CYP2E1: variants seen among roughly 807,000 people sequenced by gnomAD.
The protein encoded by CYP2E1 is cytochrome P450 family 2 subfamily E member 1.
A neutral mutation model predicts 42.9 loss-of-function variants in CYP2E1; 31 were observed. That is an observed-to-expected ratio of 0.72 (90% CI 0.54 to 0.98). CYP2E1 has a LOEUF of 0.98. Ranked by LOEUF, CYP2E1 falls within the 50% of genes least tolerant of loss-of-function variation. The probability of loss-of-function intolerance (pLI) is 0.00; values close to 1 mark genes in which losing one functional copy is unlikely to be tolerated. For synonymous variants in CYP2E1, 244 were observed against 248.9 expected (o/e 0.98, Z 0.19); for missense variants, 565 against 633.2 (o/e 0.89, Z 1.16).
chr10:133,533,826 C>T lies in CYP2E1; in HGVS notation c.896C>T (p.Ala299Val), dbSNP rs533468318. 28 of 1,614,076 alleles carry T rather than the reference C, an allele frequency of 1.7e-5. No individual in the cohort carries two copies. In the South Asian group the frequency reaches 1.9e-4, roughly 11 times the overall value. ...ITVTVADLFF[A>V]GTETTSTTLR... ...GTGACTGTGGCCGACCTGTTCTTTGCGGGGACAGAGACCACCAGCACAACT... is the reference window on the plus strand; with the variant it reads ...GTGACTGTGGCCGACCTGTTCTTTGTGGGGACAGAGACCACCAGCACAACT... The change falls in exon 6 of 9, where the codon GCG becomes GTG. Residue 299 changes from alanine (A) to valine (V), a missense_variant. Transcript: ENST00000252945.
intron 4 of CYP2E1, 56 bp downstream of exon 4, chr10:133,532,340 A>G: frequency 6.4e-7 from 1 of 1,555,540 alleles, no homozygotes; most frequent in Admixed American, 1.8e-5. Context: ...CGTTAGAAAA[A>G]GAAGGAAAAT....
chr10:133,531,784 G>T, intron 3 of CYP2E1, 50 bp downstream of exon 3: 1 of 1,530,614 alleles, frequency 6.5e-7, no homozygotes, highest in Non-Finnish European at 8.8e-7. Flanking sequence ...GACCAGCGGT[G>T]TGGGGAGCCC....
rs1449208969 is a variant in CYP2E1 at position 133,533,760 on chromosome 10, A to G, written c.830A>G (p.Lys277Arg). 4 of 1,613,672 alleles carry G rather than the reference A, an allele frequency of 2.5e-6. No homozygotes were observed. The highest frequency in any genetic ancestry group is 1.7e-5 in the Admixed American group (1 of 59,950). ...DCLLVEMEKEKHSAERLYTMD... is the reference protein window; with the variant it reads ...DCLLVEMEKERHSAERLYTMD... ...GGTCTGTCTCCGGTATCACAGGAAA[A>G]GCACAGTGCAGAGCGCTTGTACACA... The change falls in exon 6 of 9, where the codon AAG becomes AGG. Residue 277 changes from lysine to arginine, a missense_variant. Coordinates refer to ENST00000252945, the MANE Select transcript of CYP2E1 (RefSeq NM_000773.4).
intron 1 of CYP2E1, among the ~76,000 whole-genome samples, chr10:133,527,913 T>C (rs905860811): frequency 6.6e-6 from 1 of 152,208 alleles, no homozygotes; most frequent in Admixed American, 6.5e-5. Context: ...AAAGCACGAG[T>C]TGAAACGTGA....
At chr10:133,528,666 C>T (rs374005068) in intron 2 of CYP2E1, 26 bp downstream of exon 2, 132 of 1,611,486 alleles carry the variant, frequency 8.2e-5, no homozygotes, top group Non-Finnish European at 1.1e-4. Context: ...TGGCACGGAG[C>T]GGGGGGTGCA....
intron 6 of CYP2E1, among the ~76,000 whole-genome samples, chr10:133,534,394 C>T (rs1851373903): frequency 6.6e-6 from 1 of 151,980 alleles, no homozygotes; most frequent in African/African-American, 2.4e-5. Context: ...GGGCTCCTCC[C>T]AGCGGCACCT....
intron 5 of CYP2E1, 76 bp downstream of exon 5, chr10:133,532,944 C>A: frequency 7.3e-7 from 1 of 1,364,816 alleles, no homozygotes; most frequent in African/African-American, 1.5e-5. Flanking sequence ...ACAGAGTGAG[C>A]TGCACTTGCT....
chr10:133,533,083 C>A (rs900523930), intron 5 of CYP2E1, among the ~76,000 whole-genome samples: 1 of 152,194 alleles, frequency 6.6e-6, no homozygotes, highest in Non-Finnish European at 1.5e-5. Context: ...GTCACATGGG[C>A]GGGACGCTTA....
chr10:133,537,421 C>G (rs183398325), intron 7 of CYP2E1, 171 bp downstream of exon 7: 2 of 670,800 alleles, frequency 3.0e-6, no homozygotes, highest in East Asian at 5.5e-5. Context: ...CAGGAGTGCT[C>G]ACATTGGCCT....
At position 133,531,780 on chromosome 10, in the gene CYP2E1, C is replaced by T. The variant is rs141280653; in HGVS notation, c.487+46C>T. 4.0e-5 allele frequency: 62 copies of T among 1,531,802 alleles called. No individual in the cohort carries two copies. In the East Asian group the frequency reaches 8.8e-4, roughly 22 times the overall value. 94.9% of individuals were successfully genotyped at this position (1,531,802 alleles called of 1,614,324 possible). ...AGGGCCCAGTCCTCTTGCAGACCAG[C>T]GGTGTGGGGAGCCCTGGCTGGGACT... On this transcript the variant is annotated intron_variant, in intron 3 of 8. Transcript: ENST00000252945.
At chr10:133,538,538 C>T (rs1316188776) in intron 8 of CYP2E1, among the ~76,000 whole-genome samples, 1 of 152,162 alleles carries the variant, frequency 6.6e-6, no homozygotes, top group African/African-American at 2.4e-5. Flanking sequence ...CCGGTTTTTG[C>T]AGTTGAGCTC....
chr10:133,533,773 G>C lies in CYP2E1; in HGVS notation c.843G>C (p.Glu281Asp). Residue 281 changes from glutamate to aspartate, a missense_variant, in exon 6 of 9, where the codon GAG (glutamate) becomes GAC (aspartate). Coordinates refer to ENST00000252945, the MANE Select transcript of CYP2E1 (RefSeq NM_000773.4). Reference protein sequence around the residue: ...VEMEKEKHSAERLYTMDGITV... With the variant: ...VEMEKEKHSADRLYTMDGITV... ...TATCACAGGAAAAGCACAGTGCAGAGCGCTTGTACACAATGGACGGTATCA... is the reference window on the plus strand; with the variant it reads ...TATCACAGGAAAAGCACAGTGCAGACCGCTTGTACACAATGGACGGTATCA... 6.2e-7 allele frequency: 1 copy of C among 1,614,190 alleles called. No homozygotes were observed. The highest frequency in any genetic ancestry group is 8.5e-7 in the Non-Finnish European group (1 of 1,180,030).
At chr10:133,529,014 C>A (rs921359768) in intron 2 of CYP2E1, among the ~76,000 whole-genome samples, 2 of 152,180 alleles carry the variant, frequency 1.3e-5, no homozygotes, top group African/African-American at 2.4e-5. Flanking sequence ...CCACCGAGGT[C>A]CCCTCACCCA....
rs1250940063 is a variant in CYP2E1, at chr10:133,536,801, A to G, written c.968-262A>G. Among the ~76,000 whole-genome samples the G allele has an allele frequency of 3.9e-5, 3 of 76,168 alleles. 1 individual carries two copies. The highest frequency in any genetic ancestry group is 7.5e-5 in the Non-Finnish European group (3 of 39,748). The allele number at this position is 76,168 out of a possible 152,430, so 50.0% of individuals were successfully genotyped here. Reference sequence around the variant, plus strand: ...GGTGGGTGGGTGGATGGGAGGGTGGATGGATGGGTGGTTGGATGGATGGGT... The same window carrying G: ...GGTGGGTGGGTGGATGGGAGGGTGGGTGGATGGGTGGTTGGATGGATGGGT... On this transcript the variant is annotated intron_variant, in intron 6 of 8. Transcript: ENST00000252945.
At chr10:133,527,699 A>G in intron 1 of CYP2E1, 127 bp downstream of exon 1, 1 of 755,796 alleles carries the variant, frequency 1.3e-6, no homozygotes, top group South Asian at 1.8e-5. Flanking sequence ...ACCTGAATTG[A>G]TAGCATCCTG....
intron 4 of CYP2E1, 123 bp downstream of exon 4, chr10:133,532,407 T>A: frequency 1.0e-6 from 1 of 986,496 alleles, no homozygotes; most frequent in Non-Finnish European, 1.5e-6. Flanking sequence ...CTTCGAGGGG[T>A]GTTTGATTAG....
At chr10:133,529,151 A>G (rs530715161) in intron 2 of CYP2E1, among the ~76,000 whole-genome samples, 1 of 152,330 alleles carries the variant, frequency 6.6e-6, no homozygotes, top group South Asian at 2.1e-4. Flanking sequence ...GGAAGGGGGA[A>G]GAGACCCACT....
chr10:133,536,941 T>C, intron 6 of CYP2E1, 122 bp from the exon 7 acceptor site: 2 of 729,968 alleles, frequency 2.7e-6, no homozygotes, highest in Non-Finnish European at 4.6e-6. Flanking sequence ...GATGGAGGGG[T>C]GGATGGATGT....
Position 133,528,468 on chromosome 10 carries a change from CG to C in CYP2E1, c.178-10del, listed in dbSNP as rs749306594. The C allele has an allele frequency of 1.2e-6, 2 of 1,611,524 alleles. No individual in the cohort carries two copies. The highest frequency in any genetic ancestry group is 2.2e-5 in the South Asian group (2 of 91,032). ...GCGCGGCGGGCCTGACTTCTAGCCA[CG>C]GGTCTCCGCAGTTGGCCCAGCGCTT... On this transcript the variant is annotated splice_polypyrimidine_tract_variant and intron_variant, in intron 1 of 8. Transcript: ENST00000252945.
Sources: gnomAD v4.1 joint callset for allele counts (sites outside exome capture counted in the v4.1 genomes callset) on GRCh38, gnomAD v4.1.1 for gene constraint, MANE v1.5 for transcripts, NCBI Gene and HGNC (gene_info 2026-07-23, HGNC 2026-07-21) for gene names.